ASH1L: variants seen among roughly 807,000 people sequenced by gnomAD.
ASH1L encodes ASH1 like histone lysine methyltransferase.
In ASH1L, 23 loss-of-function variants were observed where a neutral mutation model predicts 269.0. The ratio of observed to expected loss-of-function variants is 0.09; its 90% CI spans 0.06 to 0.12. The LOEUF (loss-of-function observed/expected upper bound fraction) is 0.12, where lower values mean the gene tolerates loss of function less well. ASH1L is among the 10% of genes least tolerant of loss of function. ASH1L has a pLI of 1.00. For missense variants in ASH1L, 2,912 were observed against 3,567.8 expected, an observed-to-expected ratio of 0.82 and a Z score of 4.68; for synonymous variants, 1,187 against 1,253.5, an observed-to-expected ratio of 0.95 and a Z score of 1.12.
At chr1:155,557,663 G>A (rs1026256161) in intron 1 of ASH1L, among the ~76,000 whole-genome samples, 1 of 152,020 alleles carries the variant, frequency 6.6e-6, no homozygotes. Context: ...CTAAAAAAGC[G>A]ATTTCTAAAA....
At chr1:155,377,610 C>G (rs1347850101) in intron 10 of ASH1L, among the ~76,000 whole-genome samples, 1 of 151,754 alleles carries the variant, frequency 6.6e-6, no homozygotes. Flanking sequence ...AACAAGAAAG[C>G]CAAAACTTCA....
chr1:155,496,590 T>A (rs1667170472), intron 2 of ASH1L, among the ~76,000 whole-genome samples: 1 of 152,218 alleles, frequency 6.6e-6, no homozygotes, highest in African/African-American at 2.4e-5. Flanking sequence ...ACACTTCCCA[T>A]GTACTAAATC....
At chr1:155,519,118 C>T (rs961120946) in intron 2 of ASH1L, among the ~76,000 whole-genome samples, 3 of 152,124 alleles carry the variant, frequency 2.0e-5, no homozygotes, top group Non-Finnish European at 4.4e-5. Flanking sequence ...AACCAAGATT[C>T]CATCAAGAGA....
intron 4 of ASH1L, among the ~76,000 whole-genome samples, chr1:155,446,114 C>T (rs796111497): frequency 8.7e-5 from 13 of 149,726 alleles, no homozygotes; most frequent in African/African-American, 3.2e-4. Flanking sequence ...GAACTCCTGA[C>T]CTCAAATGAT....
intron 12 of ASH1L, among the ~76,000 whole-genome samples, chr1:155,368,562 A>G (rs1655647735): frequency 1.3e-5 from 2 of 151,918 alleles, no homozygotes; most frequent in Non-Finnish European, 2.9e-5. Context: ...GGTTCAAGCA[A>G]TTCTCTGCCA....
chr1:155,453,978 G>A (rs1017036264), intron 4 of ASH1L, among the ~76,000 whole-genome samples: 3 of 151,406 alleles, frequency 2.0e-5, no homozygotes, highest in African/African-American at 4.9e-5. Context: ...GGTGGCAGGC[G>A]CCCGTAGTCC....
Position 155,482,178 on chromosome 1 carries a change from T to G in ASH1L, c.692A>C (p.Lys231Thr), listed in dbSNP as rs1375628540. 6.2e-7 allele frequency: 1 copy of G among 1,614,190 alleles called. No individual in the cohort carries two copies. The highest frequency in any genetic ancestry group is 8.5e-7 in the Non-Finnish European group (1 of 1,180,016). The change falls in exon 3 of 28, where the codon AAG becomes ACG. Residue 231 changes from lysine (K) to threonine (T), a missense_variant. Physicochemically the swap from Lys to Thr is moderately conservative, Grantham distance 78. Transcript: ENST00000392403. ...AQLIATCPPS[K>T]SSKTKPKKLG... ...CTTCTTCGGTTTTGTCTTGGAAGACTTGGAAGGAGGACAGGTAGCAATCAG... is the reference window on the plus strand; with the variant it reads ...CTTCTTCGGTTTTGTCTTGGAAGACGTGGAAGGAGGACAGGTAGCAATCAG...
intron 4 of ASH1L, among the ~76,000 whole-genome samples, chr1:155,450,643 C>T (rs80186829): frequency 0.024 from 3,643 of 152,166 alleles, 52 homozygotes; most frequent in Non-Finnish European, 0.036. Context: ...GTAGGACAAT[C>T]CATCAAAAAA....
chr1:155,474,838 T>C (rs1410645628), intron 3 of ASH1L, among the ~76,000 whole-genome samples: 1 of 152,268 alleles, frequency 6.6e-6, no homozygotes, highest in Admixed American at 6.5e-5. Flanking sequence ...AGCACCATCA[T>C]GTTATCTAGA....
chr1:155,433,817 A>G (rs1485105888), intron 5 of ASH1L: 3 of 1,606,626 alleles, frequency 1.9e-6, no homozygotes, highest in Non-Finnish European at 2.5e-6. Flanking sequence ...GGAAGCTGAC[A>G]ACAATGAAAA....
intron 5 of ASH1L, among the ~76,000 whole-genome samples, chr1:155,434,582 G>A (rs1004365993): frequency 2.6e-5 from 4 of 151,758 alleles, no homozygotes; most frequent in African/African-American, 7.3e-5. Context: ...GTGGGGCGCC[G>A]TAGCTCACAC....
intron 1 of ASH1L, among the ~76,000 whole-genome samples, chr1:155,523,650 T>C (rs967192570): frequency 2.6e-5 from 4 of 152,124 alleles, no homozygotes; most frequent in Non-Finnish European, 5.9e-5. Context: ...GGCAGGTGCA[T>C]CACTTGAGGT....
chr1:155,359,000 G>A (rs1570990225), intron 13 of ASH1L, among the ~76,000 whole-genome samples: 1 of 152,208 alleles, frequency 6.6e-6, no homozygotes, highest in Non-Finnish European at 1.5e-5. Flanking sequence ...CACGCCTGCG[G>A]TCCCAGCTAC....
rs185375006 is a variant in ASH1L at position 155,370,593 on chromosome 1, A to G, written c.6597T>C (p.Asp2199=). 1.2e-6 allele frequency: 2 copies of G among 1,614,134 alleles called. No homozygotes were observed. Among genetic ancestry groups the G allele is most frequent in the African/African-American group, 2.7e-5 (2 of 75,026 alleles). Residue 2199 remains aspartate, a synonymous_variant, in exon 12 of 28, where the codon GAT becomes GAC. Transcript: ENST00000392403. ...GGTAACTGTCAATCACCATCCCACT[A>G]TCCAGGTTCAGGCAGTAGTGGTCAC... ...NHSDHYCLNL[D]SGMVIDSYRM... is the part of the protein sequence containing the mutation.
At chr1:155,458,151 G>A (rs1222088988) in intron 4 of ASH1L, among the ~76,000 whole-genome samples, 3 of 152,134 alleles carry the variant, frequency 2.0e-5, no homozygotes, top group African/African-American at 4.8e-5. Flanking sequence ...TCTCTCCATG[G>A]TAGTATAAAA....
intron 5 of ASH1L, among the ~76,000 whole-genome samples, chr1:155,435,401 C>T (rs566691562): frequency 6.6e-6 from 1 of 152,172 alleles, no homozygotes; most frequent in African/African-American, 2.4e-5. Flanking sequence ...TCTGTATGTT[C>T]TGATGACAAG....
intron 1 of ASH1L, among the ~76,000 whole-genome samples, chr1:155,527,531 CTTTTTTT>C (rs35475547): frequency 9.9e-5 from 11 of 110,822 alleles, no homozygotes; most frequent in Non-Finnish European, 1.8e-4. Flanking sequence ...TACGGGATAC[CTTTTTTT>C]TTTTTTTTTT....
intron 3 of ASH1L, among the ~76,000 whole-genome samples, chr1:155,472,596 T>C (rs1239264792): frequency 2.0e-5 from 3 of 152,090 alleles, no homozygotes; most frequent in Non-Finnish European, 2.9e-5. Context: ...TTTAAATAGC[T>C]GAAGAGGGCC....
At chr1:155,426,472 A>T (rs1661165057) in intron 5 of ASH1L, among the ~76,000 whole-genome samples, 1 of 152,038 alleles carries the variant, frequency 6.6e-6, no homozygotes, top group African/African-American at 2.4e-5. Flanking sequence ...AAGTGCTGGG[A>T]TTACAGGCGT....
Sources: allele counts gnomAD v4.1 joint callset (sites outside exome capture counted in the v4.1 genomes callset), GRCh38; gene constraint gnomAD v4.1.1; transcripts MANE v1.5; gene names NCBI Gene and HGNC (gene_info 2026-07-23, HGNC 2026-07-21).